GALNT7: variants seen among roughly 807,000 people sequenced by gnomAD.
GALNT7 encodes N-acetylgalactosaminyltransferase 7.
GALNT7 carries 60 observed loss-of-function variants against 82.1 expected under a neutral mutation model. The observed-to-expected ratio is 0.73, with a 90% CI of 0.59 to 0.91. GALNT7 has a LOEUF of 0.91. Ranked by LOEUF, GALNT7 falls within the 40% of genes least tolerant of loss-of-function variation. The pLI, the probability that GALNT7 is intolerant of heterozygous loss-of-function variation, is 0.00. For missense variants in GALNT7, 660 were observed against 804.2 expected (o/e 0.82, Z 2.17); for synonymous variants, 243 against 275.1 (o/e 0.88, Z 1.15).
chr4:173,198,609 A>G (rs75439104), intron 1 of GALNT7, among the ~76,000 whole-genome samples: 1,947 of 152,334 alleles, frequency 0.013, 35 homozygotes, highest in East Asian at 0.056. Context: ...AAAGTCCTGA[A>G]GGAATGTAAC....
intron 1 of GALNT7, among the ~76,000 whole-genome samples, chr4:173,212,050 TTC>T (rs1487556130): frequency 6.6e-6 from 1 of 152,188 alleles, no homozygotes; most frequent in African/African-American, 2.4e-5. Flanking sequence ...AGTGGCTTTC[TTC>T]TCTTTCTTTC....
intron 9 of GALNT7, among the ~76,000 whole-genome samples, chr4:173,315,215 T>G (rs554801362): frequency 7.9e-5 from 12 of 152,254 alleles, no homozygotes; most frequent in African/African-American, 2.6e-4. Flanking sequence ...GGGAGTGGAT[T>G]CCTTATGGGT....
chr4:173,230,480 T>C (rs1733993565), intron 1 of GALNT7, among the ~76,000 whole-genome samples: 3 of 152,198 alleles, frequency 2.0e-5, no homozygotes, highest in Non-Finnish European at 4.4e-5. Context: ...GGTAGCAAGA[T>C]GAAGAAATGG....
rs185246010 is a variant in GALNT7 at position 173,224,119 on chromosome 4, A to G, written c.127-23861A>G. Among the ~76,000 whole-genome samples, 222 of 152,248 alleles carry G rather than the reference A, an allele frequency of 1.5e-3. 1 individual carries two copies. Among genetic ancestry groups the G allele is most frequent in the Admixed American group, 5.1e-3 (78 of 15,294 alleles). On this transcript the variant is annotated intron_variant, in intron 1 of 11. Transcript: ENST00000265000. ...CATCCTTTTGTCCCTACCAGAATCT[A>G]TTGTTCCATCAGACTCTGTTGTTAC... is the stretch of plus-strand genomic sequence containing the variant.
At chr4:173,187,284 G>A (rs138896564) in intron 1 of GALNT7, among the ~76,000 whole-genome samples, 1 of 150,962 alleles carries the variant, frequency 6.6e-6, no homozygotes, top group East Asian at 2.0e-4. Flanking sequence ...TTTCACTGTA[G>A]AAATATTTTA....
At chr4:173,263,592 A>G (rs1307593410) in intron 2 of GALNT7, among the ~76,000 whole-genome samples, 1 of 152,184 alleles carries the variant, frequency 6.6e-6, no homozygotes, top group African/African-American at 2.4e-5. Flanking sequence ...TATTCCTGGG[A>G]CTAAAATGGT....
At chr4:173,238,258 G>A (rs1734300593) in intron 1 of GALNT7, among the ~76,000 whole-genome samples, 3 of 151,430 alleles carry the variant, frequency 2.0e-5, no homozygotes, top group African/African-American at 2.4e-5. Flanking sequence ...AGATCATTTT[G>A]TAGGAATAAT....
At chr4:173,297,705 A>G (rs1436208649) in intron 5 of GALNT7, 1 of 580,652 alleles carries the variant, frequency 1.7e-6, no homozygotes. Context: ...GTGCACAAAC[A>G]AATCAACAAC....
chr4:173,323,428 G>A lies in GALNT7; in HGVS notation c.*1711G>A, dbSNP rs1484285769. The stretch of plus-strand genomic sequence containing the variant: ...CATTTTAACTTTCATCTCTAGGGAT[G>A]TTTAACATTTATAATTGCAAAATAA... On this transcript the variant is annotated 3_prime_UTR_variant, in exon 12 of 12. Coordinates refer to ENST00000265000, the MANE Select transcript of GALNT7 (RefSeq NM_017423.3). 6.6e-6 allele frequency: 1 copy of A among 152,508 alleles called. No individual in the cohort carries two copies. Among genetic ancestry groups the A allele is most frequent in the Non-Finnish European group, 1.5e-5 (1 of 67,974 alleles). The allele number at this position is 152,508 out of a possible 1,614,324, so 9.4% of individuals were successfully genotyped here.
chr4:173,292,098 C>A lies in GALNT7; in HGVS notation c.588-10C>A. 2 of 1,588,080 alleles carry A rather than the reference C, an allele frequency of 1.3e-6. No individual in the cohort carries two copies. The highest frequency in any genetic ancestry group is 1.7e-6 in the Non-Finnish European group (2 of 1,161,114). ...CTGTAAATAAATATGATGAAATTTTCTCTTTACAGATGCAAGTATTGGCAT... is the reference window on the plus strand; with the variant it reads ...CTGTAAATAAATATGATGAAATTTTATCTTTACAGATGCAAGTATTGGCAT... On this transcript the variant is annotated splice_polypyrimidine_tract_variant and intron_variant, in intron 2 of 11. Transcript: ENST00000265000. The surrounding 1 kb of genome is among the most constrained non-coding windows in gnomAD (Gnocchi z 4.8).
At chr4:173,225,049 A>ATT (rs1561161806) in intron 1 of GALNT7, among the ~76,000 whole-genome samples, 12 of 142,856 alleles carry the variant, frequency 8.4e-5, no homozygotes, top group African/African-American at 3.2e-4. Context: ...TAATAATAAT[A>ATT]ATTATAATTA....
chr4:173,246,462 G>A (rs1734638803), intron 1 of GALNT7, among the ~76,000 whole-genome samples: 1 of 152,122 alleles, frequency 6.6e-6, no homozygotes, highest in Non-Finnish European at 1.5e-5. Flanking sequence ...CAAGAAGTTG[G>A]TAGCTGTAAT....
intron 2 of GALNT7, among the ~76,000 whole-genome samples, chr4:173,254,181 C>T (rs1419517109): frequency 2.0e-5 from 3 of 152,068 alleles, no homozygotes; most frequent in African/African-American, 4.8e-5. Context: ...TTAGTAAGAT[C>T]GTTAATATCT....
chr4:173,194,563 G>A (rs1430869010), intron 1 of GALNT7, among the ~76,000 whole-genome samples: 1 of 152,124 alleles, frequency 6.6e-6, no homozygotes, highest in Non-Finnish European at 1.5e-5. Context: ...TTGAATCTAA[G>A]CAGTTGTTTC....
At chr4:173,199,622 T>G (rs1246827473) in intron 1 of GALNT7, among the ~76,000 whole-genome samples, 3 of 152,162 alleles carry the variant, frequency 2.0e-5, no homozygotes, top group African/African-American at 4.8e-5. Flanking sequence ...ACCCACACCA[T>G]GTAGGCACTA....
At chr4:173,188,754 A>G (rs1376928374) in intron 1 of GALNT7, among the ~76,000 whole-genome samples, 1 of 152,196 alleles carries the variant, frequency 6.6e-6, no homozygotes, top group East Asian at 1.9e-4. Flanking sequence ...CTTCAAGATC[A>G]GTTCAGGATC....
chr4:173,184,903 A>G (rs1732420209), intron 1 of GALNT7, among the ~76,000 whole-genome samples: 1 of 152,172 alleles, frequency 6.6e-6, no homozygotes, highest in Admixed American at 6.5e-5. Context: ...CATGATAACC[A>G]TATTTAAGTG....
chr4:173,224,007 C>CT (rs58190836), intron 1 of GALNT7, among the ~76,000 whole-genome samples: 6,958 of 151,280 alleles, frequency 0.046, 349 homozygotes, highest in African/African-American at 0.11. Context: ...TAGCAGATCT[C>CT]TTTTTTTTTG....
At chr4:173,169,935 G>T (rs2126610770) in intron 1 of GALNT7, among the ~76,000 whole-genome samples, 1 of 152,188 alleles carries the variant, frequency 6.6e-6, no homozygotes, top group East Asian at 1.9e-4. Flanking sequence ...CGGCGGCTCC[G>T]CTGGGACGCA....
Sources: allele counts gnomAD v4.1 joint callset (sites outside exome capture counted in the v4.1 genomes callset), GRCh38; gene constraint gnomAD v4.1.1; non-coding constraint Gnocchi (gnomAD v3.1); transcripts MANE v1.5; gene names NCBI Gene and HGNC (gene_info 2026-07-23, HGNC 2026-07-21).